The following L2HGDH variants were observed in gnomAD, a reference collection of about 807,000 sequenced individuals.
The protein encoded by L2HGDH is L-2-hydroxyglutarate dehydrogenase.
A neutral mutation model predicts 51.5 loss-of-function variants in L2HGDH; 34 were observed. The observed-to-expected ratio is 0.66, with a 90% CI of 0.50 to 0.88. The LOEUF (loss-of-function observed/expected upper bound fraction) is 0.88. Among genes scored for constraint, L2HGDH ranks in the 40% least tolerant of loss-of-function variants. The pLI is 0.00. For synonymous variants in L2HGDH, 198 were observed against 197.9 expected (o/e 1.00, Z -0.01); for missense variants, 558 against 571.9 (o/e 0.98, Z 0.25).
chr14:50,292,405 T>G (rs543308238), intron 4 of L2HGDH, among the ~76,000 whole-genome samples: 65 of 152,324 alleles, frequency 4.3e-4, no homozygotes, highest in African/African-American at 1.5e-3. Flanking sequence ...TACCAGATAT[T>G]CAGGCCTATT....
chr14:50,297,031 T>C (rs571105793), intron 3 of L2HGDH, among the ~76,000 whole-genome samples: 62 of 152,304 alleles, frequency 4.1e-4, no homozygotes, highest in Non-Finnish European at 6.8e-4. Context: ...ATCACCTTGA[T>C]AGAAGCAGAA....
rs983398047 is a variant in L2HGDH at position 50,290,139 on chromosome 14, C to T, written c.540+3976G>A. ...AAAATTAGCCAGGTGTGGTGGTGGG[C>T]GCCTGTAGTCCCAGTTACTCTGGAG... On this transcript the variant is annotated intron_variant, in intron 4 of 9. Coordinates refer to ENST00000267436, the MANE Select transcript of L2HGDH (RefSeq NM_024884.3). Among the ~76,000 whole-genome samples the T allele has an allele frequency of 2.6e-5, 4 of 152,030 alleles. No individual in the cohort carries two copies. In the South Asian group the frequency reaches 6.2e-4, roughly 24 times the overall value.
rs531705720 is a variant in L2HGDH at position 50,284,551 on chromosome 14, A to G, written c.541-518T>C. On this transcript the variant is annotated intron_variant, in intron 4 of 9. Coordinates refer to ENST00000267436, the MANE Select transcript of L2HGDH (RefSeq NM_024884.3). ...TCAATGTTCATCAATCTGTAGATGA[A>G]TGACCTATATAACACATGCTTATTT... Among the ~76,000 whole-genome samples the G allele has an allele frequency of 3.3e-5, 5 of 152,372 alleles. No homozygotes were observed. In the South Asian group the frequency reaches 1.0e-3, roughly 32 times the overall value.
chr14:50,304,881 A>G (rs968121959), intron 1 of L2HGDH, among the ~76,000 whole-genome samples: 3 of 152,190 alleles, frequency 2.0e-5, no homozygotes, highest in African/African-American at 7.2e-5. Context: ...TAAATCTGCA[A>G]TTCGAAGCTT....
intron 9 of L2HGDH, among the ~76,000 whole-genome samples, chr14:50,247,505 T>C (rs1268993692): frequency 6.6e-6 from 1 of 152,076 alleles, no homozygotes; most frequent in Non-Finnish European, 1.5e-5. Flanking sequence ...TAAAAACAAG[T>C]AAGTTATTTA....
At position 50,269,276 on chromosome 14, in the gene L2HGDH, G is replaced by T. The variant is rs939210898; in HGVS notation, c.793C>A (p.Arg265Ser). The part of the protein sequence containing the change: ...VVTCAGLYSD[R>S]ISELSGCTPD... ...GTGCAGCCACTCAACTCTGAAATAC[G>T]GTCTGAGTAAAGTCCTGCACATGTC... The change falls in exon 7 of 10, where the codon CGT becomes AGT. Residue 265 changes from arginine to serine, a missense_variant. Physicochemically the swap from Arg to Ser is moderately radical, Grantham distance 110. Around this residue, in one of 3 missense-constraint regions of L2HGDH, gnomAD observed 321 missense variants for 311.8 expected, o/e 1.03. Coordinates refer to ENST00000267436, the MANE Select transcript of L2HGDH (RefSeq NM_024884.3). 13 of 1,613,762 alleles carry T rather than the reference G, an allele frequency of 8.1e-6. No individual in the cohort carries two copies. In the Admixed American group the frequency reaches 8.3e-5, roughly 10 times the overall value.
rs1887876176 is a variant in L2HGDH at position 50,243,513 on chromosome 14, T to C, written c.*3545A>G. 2 of 735,690 alleles carry C rather than the reference T, an allele frequency of 2.7e-6. No individual in the cohort carries two copies. Among genetic ancestry groups the C allele is most frequent in the South Asian group, 6.3e-5 (1 of 15,958 alleles). The allele number at this position is 735,690 out of a possible 1,614,324, so 45.6% of individuals were successfully genotyped here. A position where few individuals can be genotyped will look rare whatever the true frequency, so the allele number is the denominator to read the frequency against. ...AAAATATTTTAAATATTAATATACA[T>C]TTCTTCTGTCAGAAATACATAAAAC... On this transcript the variant is annotated 3_prime_UTR_variant, in exon 10 of 10. Transcript: ENST00000267436.
At chr14:50,259,675 G>GA (rs1248761952) in intron 9 of L2HGDH, among the ~76,000 whole-genome samples, 1 of 149,558 alleles carries the variant, frequency 6.7e-6, no homozygotes. Flanking sequence ...TAAAAATAGG[G>GA]AAAAAAAAAT....
intron 1 of L2HGDH, among the ~76,000 whole-genome samples, chr14:50,309,738 G>A (rs979337509): frequency 9.3e-5 from 14 of 150,392 alleles, no homozygotes; most frequent in East Asian, 3.9e-4. Context: ...GCTTCAGCGC[G>A]GCGGTGTAAT....
At position 50,246,849 on chromosome 14, in the gene L2HGDH, AG is replaced by A; in HGVS notation, c.*208del. The A allele has an allele frequency of 1.3e-6, 1 of 749,090 alleles. No homozygotes were observed. The highest frequency in any genetic ancestry group is 2.0e-6 in the Non-Finnish European group (1 of 497,224). The allele number at this position is 749,090 out of a possible 1,614,324, so 46.4% of individuals were successfully genotyped here. On this transcript the variant is annotated 3_prime_UTR_variant, in exon 10 of 10. Transcript: ENST00000267436. ...TTGATTCTCCTGCCTCAGCCTCCTGAGTAGCTGAGATTACAGGCATGCGCCA... is the reference window on the plus strand; with the variant it reads ...TTGATTCTCCTGCCTCAGCCTCCTGATAGCTGAGATTACAGGCATGCGCCA...
Position 50,243,310 on chromosome 14 carries a change from A to AAT in L2HGDH, c.*3746_*3747dup. 1.0e-6 allele frequency: 1 copy of AAT among 985,272 alleles called. No individual in the cohort carries two copies. The highest frequency in any genetic ancestry group is 1.2e-6 in the Non-Finnish European group (1 of 829,808). The allele number at this position is 985,272 out of a possible 1,614,324, so 61.0% of individuals were successfully genotyped here. A position where few individuals can be genotyped will look rare whatever the true frequency, so the allele number is the denominator to read the frequency against. On this transcript the variant is annotated 3_prime_UTR_variant, in exon 10 of 10. Coordinates refer to ENST00000267436, the MANE Select transcript of L2HGDH (RefSeq NM_024884.3). The stretch of plus-strand genomic sequence containing the variant: ...CTAAAATGCTCCACTTTTTACCCAA[A>AAT]ATATAAATGACTCAACCTCATTTTG...
chr14:50,286,293 G>T (rs1347475722), intron 4 of L2HGDH, among the ~76,000 whole-genome samples: 1 of 152,134 alleles, frequency 6.6e-6, no homozygotes, highest in Admixed American at 6.5e-5. Flanking sequence ...GCAGTCAAGA[G>T]TTACCTTCGG....
intron 8 of L2HGDH, among the ~76,000 whole-genome samples, chr14:50,265,790 T>C (rs1889302065): frequency 6.6e-6 from 1 of 152,134 alleles, no homozygotes; most frequent in Admixed American, 6.5e-5. Flanking sequence ...GGTGCACACC[T>C]GTAATCCCAG....
chr14:50,277,939 T>C (rs910397648), intron 6 of L2HGDH, among the ~76,000 whole-genome samples: 8 of 152,152 alleles, frequency 5.3e-5, no homozygotes, highest in African/African-American at 1.9e-4. Flanking sequence ...CATTCAGCTC[T>C]GTTTCCCAAT....
At chr14:50,282,540 A>C (rs1248700636) in intron 5 of L2HGDH, 1 of 455,952 alleles carries the variant, frequency 2.2e-6, no homozygotes, top group Non-Finnish European at 4.4e-6. Context: ...AGTATAGTTC[A>C]GTAATTAACT....
At chr14:50,293,347 T>C (rs866559500) in intron 4 of L2HGDH, 1 of 692,428 alleles carries the variant, frequency 1.4e-6, no homozygotes, top group African/African-American at 1.8e-5. Context: ...CAATTCCAAA[T>C]GGACTGTAGA....
chr14:50,243,209 G>C lies in L2HGDH; in HGVS notation c.*3849C>G. The C allele has an allele frequency of 4.1e-6, 4 of 985,362 alleles. No homozygotes were observed. Among genetic ancestry groups the C allele is most frequent in the Non-Finnish European group, 3.6e-6 (3 of 829,886 alleles). The allele number at this position is 985,362 out of a possible 1,614,324, so 61.0% of individuals were successfully genotyped here. ...ATATATGTATGGATAAAAGAGTTAA[G>C]CTACGTAACATGAAACACCAAAAAT... On this transcript the variant is annotated 3_prime_UTR_variant, in exon 10 of 10. Coordinates refer to ENST00000267436, the MANE Select transcript of L2HGDH (RefSeq NM_024884.3).
At chr14:50,293,187 C>A (rs2029869969) in intron 4 of L2HGDH, 1 of 701,546 alleles carries the variant, frequency 1.4e-6, no homozygotes, top group Admixed American at 2.0e-5. Flanking sequence ...GGAGTCCAGA[C>A]ATAGACCCGC....
At chr14:50,291,540 G>A (rs761740428) in intron 4 of L2HGDH, among the ~76,000 whole-genome samples, 63 of 152,144 alleles carry the variant, frequency 4.1e-4, no homozygotes, top group Non-Finnish European at 7.4e-4. Context: ...TGCTGGAGAC[G>A]AAGATGCTAT....
Sources: gnomAD v4.1 joint callset for allele counts (sites outside exome capture counted in the v4.1 genomes callset) on GRCh38, gnomAD v4.1.1 for gene constraint, gnomAD v4.1.1 regional missense constraint, MANE v1.5 for transcripts, NCBI Gene and HGNC (gene_info 2026-07-23, HGNC 2026-07-21) for gene names.